Variants in MAP2K2 observed in about 807,000 individuals in gnomAD.
The protein encoded by MAP2K2 is mitogen-activated protein kinase kinase 2, also known as dual specificity mitogen-activated protein kinase kinase 2.
MAP2K2 carries 24 observed loss-of-function variants against 43.7 expected under a neutral mutation model. The ratio of observed to expected loss-of-function variants is 0.55; its 90% CI spans 0.40 to 0.77. The LOEUF (loss-of-function observed/expected upper bound fraction) is 0.77. MAP2K2 is among the 30% of genes least tolerant of loss of function. The pLI is 0.00. For synonymous variants in MAP2K2, 244 were observed against 239.7 expected (o/e 1.02, Z -0.17); for missense variants, 470 against 566.8 (o/e 0.83, Z 1.73).
At position 4,099,631 on chromosome 19, in the gene MAP2K2, T is replaced by G. The variant is rs527598785; in HGVS notation, c.706-217A>C. The stretch of plus-strand genomic sequence containing the variant: ...CTTCCAGCCCGAGGCCTGGAGCTGG[T>G]GTTGACCGCAGCTCTTGAAGAGCCT... On this transcript the variant is annotated intron_variant, in intron 6 of 10. Coordinates refer to ENST00000262948, the MANE Select transcript of MAP2K2 (RefSeq NM_030662.4). 229 of 592,736 alleles carry G rather than the reference T, an allele frequency of 3.9e-4. 2 individuals are homozygous for G. In the East Asian group the frequency reaches 6.3e-3, roughly 16 times the overall value. The allele number at this position is 592,736 out of a possible 1,614,324, so 36.7% of individuals were successfully genotyped here. A position where few individuals can be genotyped will look rare whatever the true frequency, so the allele number is the denominator to read the frequency against.
chr19:4,108,001 A>G (rs1378099653), intron 3 of MAP2K2, among the ~76,000 whole-genome samples: 1 of 152,182 alleles, frequency 6.6e-6, no homozygotes, highest in Non-Finnish European at 1.5e-5. Flanking sequence ...CCCGGTGCTA[A>G]GCTGCCCCTT....
chr19:4,097,205 TAAAAA>T (rs10681431), intron 8 of MAP2K2, 69 bp downstream of exon 8: 235 of 572,430 alleles, frequency 4.1e-4, no homozygotes, highest in Middle Eastern at 8.8e-4. Flanking sequence ...AGACTCTGCC[TAAAAA>T]AAAAAAAAAA....
chr19:4,123,084 T>C (rs2145088365), intron 1 of MAP2K2, among the ~76,000 whole-genome samples: 1 of 150,216 alleles, frequency 6.7e-6, no homozygotes, highest in South Asian at 2.1e-4. Context: ...CCTCATCTCA[T>C]GACTACGGCA....
Position 4,102,404 on chromosome 19 carries a change from T to C in MAP2K2, c.500A>G (p.Glu167Gly). The C allele has an allele frequency of 1.2e-6, 2 of 1,605,866 alleles. No homozygotes were observed. The highest frequency in any genetic ancestry group is 1.7e-6 in the Non-Finnish European group (2 of 1,177,134). The change falls in exon 4 of 11, where the codon GAG (glutamate) becomes GGG (glycine). Residue 167 changes from glutamate to glycine, a missense_variant. Around this residue, in one of 3 missense-constraint regions of MAP2K2, gnomAD observed 200 missense variants for 297.9 expected, o/e 0.67. Transcript: ENST00000262948. The stretch of plus-strand genomic sequence containing the variant: ...GATGCTGACTTTCCCCAGGATCTCC[T>C]CGGGAATCCTCTTGGCCTCTTTCAG... Reference protein sequence around the residue: ...QVLKEAKRIPEEILGKVSIAV... With the variant: ...QVLKEAKRIPGEILGKVSIAV...
intron 2 of MAP2K2, among the ~76,000 whole-genome samples, chr19:4,111,219 A>G (rs2041150076): frequency 6.6e-6 from 1 of 152,150 alleles, no homozygotes; most frequent in South Asian, 2.1e-4. Flanking sequence ...GATGAGGACG[A>G]TGCCGTGAAT....
intron 9 of MAP2K2, 148 bp downstream of exon 9, chr19:4,095,240 G>C: frequency 2.9e-6 from 2 of 680,364 alleles, no homozygotes; most frequent in Non-Finnish European, 5.1e-6. Flanking sequence ...CTGGGAAAAG[G>C]AATCTGGCTT....
At chr19:4,100,599 T>G (rs955861178) in intron 6 of MAP2K2, 11 of 210,390 alleles carry the variant, frequency 5.2e-5, no homozygotes, top group Non-Finnish European at 9.8e-5. Flanking sequence ...GAAGGTCACT[T>G]GAGTCCAGGA....
chr19:4,114,208 C>T (rs946864053), intron 2 of MAP2K2, among the ~76,000 whole-genome samples: 4 of 152,166 alleles, frequency 2.6e-5, no homozygotes, highest in East Asian at 1.9e-4. Context: ...GGCTCAGCCC[C>T]GGCAGCTGCT....
rs149396694 is a variant in MAP2K2 at position 4,107,814 on chromosome 19, T to C, written c.450+2695A>G. ...GGAAATGGCTGCAGCAGCCAGGACA[T>C]GGATGCAACACCTGTGCGTGCCGGG... is the stretch of plus-strand genomic sequence containing the variant. On this transcript the variant is annotated intron_variant, in intron 3 of 10. Transcript: ENST00000262948. Among the ~76,000 whole-genome samples, 855 of 152,272 alleles carry C rather than the reference T, an allele frequency of 5.6e-3. 8 individuals carry two copies. Among genetic ancestry groups the C allele is most frequent in the African/African-American group, 0.019 (786 of 41,536 alleles).
intron 10 of MAP2K2, among the ~76,000 whole-genome samples, chr19:4,093,700 A>G (rs928983101): frequency 2.0e-5 from 3 of 152,106 alleles, no homozygotes; most frequent in Non-Finnish European, 4.4e-5. Flanking sequence ...CTCTCAAGAA[A>G]AAAACAAAAC....
intron 1 of MAP2K2, among the ~76,000 whole-genome samples, chr19:4,123,362 C>A (rs2041324791): frequency 6.6e-6 from 1 of 152,000 alleles, no homozygotes; most frequent in Admixed American, 6.6e-5. Flanking sequence ...TGCTCAGGGA[C>A]CCCTGTCCCC....
intron 1 of MAP2K2, among the ~76,000 whole-genome samples, chr19:4,121,109 T>G (rs566562852): frequency 2.0e-4 from 30 of 151,646 alleles, no homozygotes; most frequent in African/African-American, 7.3e-4. Flanking sequence ...GAGATCACCC[T>G]GGCATGACCC....
At chr19:4,116,627 C>T (rs957550720) in intron 2 of MAP2K2, among the ~76,000 whole-genome samples, 1 of 152,174 alleles carries the variant, frequency 6.6e-6, no homozygotes. Context: ...CCATTCCACA[C>T]CCAGGCTCCC....
At chr19:4,100,113 G>A (rs2040981453) in intron 6 of MAP2K2, 1 of 152,476 alleles carries the variant, frequency 6.6e-6, no homozygotes, top group Non-Finnish European at 1.5e-5. Flanking sequence ...GGGCGTGGTG[G>A]CGAGCGCCTG....
At chr19:4,108,483 T>C (rs528790496) in intron 3 of MAP2K2, among the ~76,000 whole-genome samples, 82 of 151,258 alleles carry the variant, frequency 5.4e-4, no homozygotes, top group Non-Finnish European at 8.8e-4. Flanking sequence ...ATAGTCTCGA[T>C]CTCCTGAACT....
intron 3 of MAP2K2, chr19:4,104,679 C>T (rs1005626860): frequency 2.6e-5 from 4 of 152,284 alleles, no homozygotes; most frequent in African/African-American, 9.6e-5. Flanking sequence ...CTTCGTTTCT[C>T]CTGGGGCCGC....
intron 3 of MAP2K2, chr19:4,103,156 G>A (rs552088245): frequency 1.5e-4 from 151 of 992,526 alleles, no homozygotes; most frequent in Middle Eastern, 5.2e-4. Context: ...CGGTAACCTC[G>A]GCCCCTCCCC....
rs1469423297 is a variant in MAP2K2, at chr19:4,099,194, G to A, written c.919+7C>T. 1.3e-6 allele frequency: 2 copies of A among 1,595,940 alleles called. No individual in the cohort carries two copies. Among genetic ancestry groups the A allele is most frequent in the East Asian group, 4.5e-5 (2 of 44,224 alleles). On this transcript the variant is annotated splice_region_variant and intron_variant, in intron 7 of 10. Coordinates refer to ENST00000262948, the MANE Select transcript of MAP2K2 (RefSeq NM_030662.4). ...TCCAGACCGGAAGTTGCAGATTCAGGCCGTACCGCTGACGGGGCGCCCGGG... is the reference window on the plus strand; with the variant it reads ...TCCAGACCGGAAGTTGCAGATTCAGACCGTACCGCTGACGGGGCGCCCGGG...
chr19:4,093,360 G>A (rs1322261887), intron 10 of MAP2K2, among the ~76,000 whole-genome samples: 1 of 152,128 alleles, frequency 6.6e-6, no homozygotes, highest in Non-Finnish European at 1.5e-5. Context: ...TCGCACCACT[G>A]CATTCCAGCC....
Sources: gnomAD v4.1 joint callset for allele counts (sites outside exome capture counted in the v4.1 genomes callset) on GRCh38, gnomAD v4.1.1 for gene constraint, gnomAD v4.1.1 regional missense constraint, MANE v1.5 for transcripts, NCBI Gene and HGNC (gene_info 2026-07-23, HGNC 2026-07-21) for gene names.